The following SLC30A7 variants were observed in gnomAD, a reference collection of about 807,000 sequenced individuals.
SLC30A7 encodes the protein solute carrier family 30 member 7, also known as zinc transporter 7.
Under a neutral mutation model 46.0 loss-of-function variants are expected in SLC30A7, and 35 were observed. The ratio of observed to expected loss-of-function variants is 0.76; its 90% confidence interval spans 0.58 to 1.01. SLC30A7 has a LOEUF of 1.01. Among genes scored for constraint, SLC30A7 ranks in the 50% least tolerant of loss-of-function variants. SLC30A7 has a pLI of 0.00. For synonymous variants in SLC30A7, 147 were observed against 157.8 expected, an observed-to-expected ratio of 0.93 and a Z score of 0.51; for missense variants, 464 against 451.1, an observed-to-expected ratio of 1.03 and a Z score of -0.26.
At position 100,977,435 on chromosome 1, in the gene SLC30A7, A is replaced by G. The variant is rs1656599459; in HGVS notation, c.*2578A>G. ...GCAGCAGTAAAAAATTAGTGAGAAA[A>G]AGCAACTTTTTGTCACTCTTAGGAA... On this transcript the variant is annotated 3_prime_UTR_variant, in exon 11 of 11. Coordinates refer to ENST00000357650, the MANE Select transcript of SLC30A7 (RefSeq NM_133496.5). 1 of 152,204 alleles carries G rather than the reference A, an allele frequency of 6.6e-6. No individual in the cohort carries two copies. The highest frequency in any genetic ancestry group is 2.4e-5 in the African/African-American group (1 of 41,450). 9.4% of individuals were successfully genotyped at this position (152,204 alleles called of 1,614,324 possible). A position where few individuals can be genotyped will look rare whatever the true frequency, so the allele number is the denominator to read the frequency against.
chr1:100,923,296 G>A (rs987860817), intron 8 of SLC30A7, among the ~76,000 whole-genome samples: 2 of 106,084 alleles, frequency 1.9e-5, no homozygotes, highest in Non-Finnish European at 4.2e-5. Context: ...GATTACAGGC[G>A]TGAGCCACCG....
chr1:100,928,125 T>G (rs912102270), intron 8 of SLC30A7, among the ~76,000 whole-genome samples: 5 of 152,182 alleles, frequency 3.3e-5, no homozygotes, highest in African/African-American at 1.2e-4. Context: ...AATTTTTCAG[T>G]GACTGAAGGG....
intron 3 of SLC30A7, among the ~76,000 whole-genome samples, chr1:100,907,959 G>A (rs1557976099): frequency 6.6e-6 from 1 of 151,156 alleles, no homozygotes; most frequent in Admixed American, 6.6e-5. Flanking sequence ...GTTTTCTCCT[G>A]CTCTTTTCCT....
chr1:100,947,219 C>T (rs999284503), intron 8 of SLC30A7, among the ~76,000 whole-genome samples: 1 of 152,192 alleles, frequency 6.6e-6, no homozygotes, highest in African/African-American at 2.4e-5. Flanking sequence ...CCACTGCACA[C>T]TGCTTTAAAT....
intron 9 of SLC30A7, among the ~76,000 whole-genome samples, chr1:100,963,804 C>T (rs1045874834): frequency 6.6e-6 from 1 of 151,990 alleles, no homozygotes; most frequent in Admixed American, 6.6e-5. Flanking sequence ...CAGCATAGTT[C>T]TAGAACATGT....
At chr1:100,915,812 G>T (rs1016845149) in intron 6 of SLC30A7, among the ~76,000 whole-genome samples, 1 of 152,062 alleles carries the variant, frequency 6.6e-6, no homozygotes. Flanking sequence ...CTGATCATAC[G>T]GTAGTTCCAT....
At chr1:100,951,162 A>C (rs893890835) in intron 8 of SLC30A7, among the ~76,000 whole-genome samples, 3 of 152,172 alleles carry the variant, frequency 2.0e-5, no homozygotes, top group Admixed American at 2.0e-4. Flanking sequence ...CTTTGGGGTT[A>C]GAGAAAGATG....
intron 10 of SLC30A7, among the ~76,000 whole-genome samples, chr1:100,967,982 A>T (rs769382231): frequency 7.9e-5 from 12 of 152,172 alleles, no homozygotes; most frequent in Non-Finnish European, 1.8e-4. Flanking sequence ...TAGGAGATTC[A>T]TGTTGAAGGA....
At chr1:100,994,531 A>C in the SLC30A7 span, among the ~76,000 whole-genome samples, 1 of 151,324 alleles carries the variant, frequency 6.6e-6, no homozygotes, top group Non-Finnish European at 1.5e-5. Context: ...TCAGGACTCA[A>C]ACCCATGCCT....
intron 6 of SLC30A7, among the ~76,000 whole-genome samples, chr1:100,916,535 C>T (rs1222055806): frequency 1.3e-5 from 2 of 152,048 alleles, no homozygotes; most frequent in African/African-American, 2.4e-5. Context: ...TACAGGCATG[C>T]AGTGTGAAAT....
At chr1:100,911,234 T>C (rs1336793674) in intron 4 of SLC30A7, 84 bp downstream of exon 4, 20 of 894,598 alleles carry the variant, frequency 2.2e-5, no homozygotes, top group Non-Finnish European at 3.2e-5. Flanking sequence ...TAAGTTTTTT[T>C]CAACTATTAT....
rs1650906171 is a variant in SLC30A7, at chr1:100,896,209, C to G, written c.-54C>G. ...CGTCACTACTGTCACTGCCATCACC[C>G]CACGGAGCCACTTCTAGAGGGGAGT... On this transcript the variant is annotated 5_prime_UTR_variant, in exon 1 of 11. Transcript: ENST00000357650. The G allele has an allele frequency of 6.5e-7, 1 of 1,539,080 alleles. No individual in the cohort carries two copies.
At chr1:100,896,929 T>C (rs1651007507) in intron 2 of SLC30A7, among the ~76,000 whole-genome samples, 1 of 152,096 alleles carries the variant, frequency 6.6e-6, no homozygotes, top group African/African-American at 2.4e-5. Context: ...AAGCCCCTCC[T>C]TATTTTAGCA....
chr1:100,946,897 C>G (rs1444624948), intron 8 of SLC30A7, among the ~76,000 whole-genome samples: 1 of 152,132 alleles, frequency 6.6e-6, no homozygotes, highest in Non-Finnish European at 1.5e-5. Context: ...TAGAATTCAG[C>G]TGTGAATCTG....
chr1:100,984,465 G>C (rs1017869799), downstream of SLC30A7, among the ~76,000 whole-genome samples: 12 of 152,120 alleles, frequency 7.9e-5, no homozygotes, highest in Non-Finnish European at 1.8e-4. Context: ...CTAATGCTTG[G>C]ATCTGATTCT....
chr1:100,914,292 T>G (rs1652329242), intron 6 of SLC30A7, among the ~76,000 whole-genome samples: 1 of 152,220 alleles, frequency 6.6e-6, no homozygotes, highest in Admixed American at 6.5e-5. Context: ...ATACTAGGTC[T>G]TATTCATTCA....
intron 8 of SLC30A7, among the ~76,000 whole-genome samples, chr1:100,950,961 A>G (rs1184978100): frequency 1.3e-5 from 2 of 152,194 alleles, no homozygotes; most frequent in African/African-American, 4.8e-5. Flanking sequence ...TTACCACTAT[A>G]GGCAACAGGA....
chr1:100,988,100 G>T, the SLC30A7 span, among the ~76,000 whole-genome samples: 1 of 151,084 alleles, frequency 6.6e-6, no homozygotes, highest in Non-Finnish European at 1.5e-5. Flanking sequence ...TGCACGGTTT[G>T]AGAGTTAGCT....
intron 10 of SLC30A7, among the ~76,000 whole-genome samples, chr1:100,966,828 G>T (rs1488705190): frequency 6.6e-6 from 1 of 152,148 alleles, no homozygotes; most frequent in African/African-American, 2.4e-5. Flanking sequence ...AGAATAAGTG[G>T]CTTTAGCTAA....
Sources: gnomAD v4.1 joint callset for allele counts (sites outside exome capture counted in the v4.1 genomes callset) on GRCh38, gnomAD v4.1.1 for gene constraint, MANE v1.5 for transcripts, NCBI Gene and HGNC (gene_info 2026-07-23, HGNC 2026-07-21) for gene names.